Variants in ZBED1 observed in about 807,000 individuals in gnomAD.
ZBED1 encodes the protein zinc finger BED-type containing 1.
A neutral mutation model predicts 49.7 loss-of-function variants in ZBED1; 19 were observed. The ratio of observed to expected loss-of-function variants is 0.38; its 90% CI spans 0.27 to 0.56. ZBED1 has a LOEUF of 0.56. Ranked by LOEUF, ZBED1 falls within the 20% of genes least tolerant of loss-of-function variation. The probability of loss-of-function intolerance (pLI) is 0.70; values close to 1 mark genes in which losing one functional copy is unlikely to be tolerated. For missense variants in ZBED1, 806 were observed against 972.6 expected, an observed-to-expected ratio of 0.83 and a Z score of 2.28; for synonymous variants, 439 against 440.3, an observed-to-expected ratio of 1.00 and a Z score of 0.04.
Position 2,488,765 on chromosome X carries a change from C to T in ZBED1, c.1955G>A (p.Arg652Gln), listed in dbSNP as rs775074783. The T allele has an allele frequency of 9.9e-6, 16 of 1,613,844 alleles. No homozygotes were observed. In the Admixed American group the frequency reaches 1.3e-4, roughly 13 times the overall value. Residue 652 changes from arginine to glutamine, a missense_variant, in exon 2 of 2, where the codon CGG (arginine) becomes CAG (glutamine). By Grantham distance (43) the Arg-to-Gln change is conservative. Coordinates refer to ENST00000652001, the MANE Select transcript of ZBED1 (RefSeq NM_001171136.2). The part of the protein sequence containing the change: ...DEQVFLYENA[R>Q]SGAEAEPEDQ... ...CTCGGGTTCCGCCTCTGCCCCACTC[C>T]GGGCGTTCTCATACAGAAACACCTG...
chrX:2,492,879 A>T (rs952963062), intron 1 of ZBED1, among the ~76,000 whole-genome samples: 5 of 152,252 alleles, frequency 3.3e-5, no homozygotes, highest in African/African-American at 1.2e-4. Flanking sequence ...GTACTTTATT[A>T]AAGCAAGGTA....
rs376856091 is a variant in ZBED1, at chrX:2,490,003, G to A, written c.717C>T (p.Pro239=). Residue 239 remains proline (P), a synonymous_variant, in exon 2 of 2, where the codon CCC becomes CCT. Transcript: ENST00000652001. Reference sequence around the variant, plus strand: ...TGATGGTCTCCGCCGTGTTCTCTTCGGGCACCTCGAAGGTCTTCAGGCAGC... The same window carrying A: ...TGATGGTCTCCGCCGTGTTCTCTTCAGGCACCTCGAAGGTCTTCAGGCAGC... ...GSRCLKTFEV[P]EENTAETITR... 1.5e-5 allele frequency: 25 copies of A among 1,613,748 alleles called. No homozygotes were observed. The African/African-American group carries it at 1.6e-4, about 10-fold the overall frequency.
At position 2,489,502 on chromosome X, in the gene ZBED1, C is replaced by T; in HGVS notation, c.1218G>A (p.Gln406=). The change falls in exon 2 of 2, where the codon CAG becomes CAA. Residue 406 remains glutamine, a synonymous_variant. Transcript: ENST00000652001. Reference sequence around the variant, plus strand: ...TGGAGGCCGACAGCATCTCGGCCACCTGCTTGAAGGGCTGCAGGAGCTCCA... The same window carrying T: ...TGGAGGCCGACAGCATCTCGGCCACTTGCTTGAAGGGCTGCAGGAGCTCCA... ...GLVELLQPFK[Q]VAEMLSASRY... The T allele has an allele frequency of 6.2e-7, 1 of 1,613,436 alleles. No individual in the cohort carries two copies. The highest frequency in any genetic ancestry group is 8.5e-7 in the Non-Finnish European group (1 of 1,179,848).
rs139100576 is a variant in ZBED1, at chrX:2,489,107, G to A, written c.1613C>T (p.Pro538Leu). Reference protein sequence around the residue: ...PVKKLMRTSTPPPASVINNML... With the variant: ...PVKKLMRTSTLPPASVINNML... ...GTTGTTGATGACGCTGGCGGGCGGC[G>A]GCGTGGATGTCCGCATGAGCTTCTT... is the stretch of plus-strand genomic sequence containing the variant. The change falls in exon 2 of 2, where the codon CCG becomes CTG. Residue 538 changes from proline to leucine, a missense_variant. Pro to Leu is a moderately conservative substitution (Grantham distance 98). Around this residue, in one of 2 missense-constraint regions of ZBED1, gnomAD observed 749 missense variants for 861.3 expected, o/e 0.87. Coordinates refer to ENST00000652001, the MANE Select transcript of ZBED1 (RefSeq NM_001171136.2). The A allele has an allele frequency of 8.8e-5, 142 of 1,613,586 alleles. No homozygotes were observed. The highest frequency in any genetic ancestry group is 4.5e-4 in the East Asian group (20 of 44,874).
intron 1 of ZBED1, among the ~76,000 whole-genome samples, chrX:2,499,644 C>A (rs1427656981): frequency 1.3e-5 from 2 of 151,910 alleles, no homozygotes; most frequent in Admixed American, 6.6e-5. Context: ...TGGTGGCTCA[C>A]GCCTGTAAAC....
chrX:2,491,930 G>A (rs925481256), intron 1 of ZBED1, among the ~76,000 whole-genome samples: 3 of 152,184 alleles, frequency 2.0e-5, no homozygotes, highest in Non-Finnish European at 2.9e-5. Context: ...CCACTCAGGA[G>A]GCCACCTCTG....
intron 1 of ZBED1, among the ~76,000 whole-genome samples, chrX:2,493,486 T>G (rs2045209585): frequency 6.6e-6 from 1 of 151,478 alleles, no homozygotes; most frequent in Non-Finnish European, 1.5e-5. Flanking sequence ...TTATTATTAT[T>G]ATGTGGCTGA....
rs2044953196 is a variant in ZBED1, at chrX:2,486,947, G to A, written c.*1688C>T. On this transcript the variant is annotated 3_prime_UTR_variant, in exon 2 of 2. Transcript: ENST00000652001. ...CCCTCTGACACCCCGAGTTCTTGGG[G>A]TCTCGGCAGAACACTGCCTGGAGCT... 1 of 152,236 alleles carries A rather than the reference G, an allele frequency of 6.6e-6. No individual in the cohort carries two copies. The highest frequency in any genetic ancestry group is 2.1e-4 in the South Asian group (1 of 4,828). The allele number at this position is 152,236 out of a possible 1,614,324, so 9.4% of individuals were successfully genotyped here.
chrX:2,490,041 ACAGG>A lies in ZBED1; in HGVS notation c.675_678del (p.Leu226ProfsTer7). 6.2e-7 allele frequency: 1 copy of A among 1,613,774 alleles called. No individual in the cohort carries two copies. The highest frequency in any genetic ancestry group is 1.3e-5 in the African/African-American group (1 of 75,040). On this transcript the variant is annotated frameshift_variant, in exon 2 of 2. Coordinates refer to ENST00000652001, the MANE Select transcript of ZBED1 (RefSeq NM_001171136.2). LOFTEE classifies it high-confidence loss of function. ...GTCTTCAGGCAGCGGGAGCCCATGG[ACAGG>A]CAGTTGGGGGCGCCCAGGCCCAGGA... is the stretch of plus-strand genomic sequence containing the variant.
In ZBED1 at chrX:2,488,958, G is replaced by A. The variant is rs139808300; in HGVS notation, c.1762C>T (p.Leu588Phe). 45 of 1,596,636 alleles carry A rather than the reference G, an allele frequency of 2.8e-5. No homozygotes were observed. In the African/African-American group the frequency reaches 5.2e-4, roughly 18 times the overall value. The part of the protein sequence containing the change: ...QKVLGLNEDP[L>F]KWWSDRLALF... ...GCCAGGCGGTCTGACCACCACTTGAGGGGGTCTTCGTTGAGGCCAAGCACC... is the reference window on the plus strand; with the variant it reads ...GCCAGGCGGTCTGACCACCACTTGAAGGGGTCTTCGTTGAGGCCAAGCACC... Residue 588 changes from leucine (L) to phenylalanine (F), a missense_variant, in exon 2 of 2, where the codon CTC (leucine) becomes TTC (phenylalanine). Leu to Phe is a conservative substitution (Grantham distance 22). This residue lies in a region of ZBED1 where 749 missense variants were observed against 861.3 expected (regional missense o/e 0.87). Transcript: ENST00000652001.
In ZBED1 at chrX:2,488,626, G is replaced by A. The variant is rs186763014; in HGVS notation, c.*9C>T. The stretch of plus-strand genomic sequence containing the variant: ...GCGGGGATGACTTGTAAGACAACAC[G>A]CTTCCTCGCTACAGGAAGCTGCTGT... On this transcript the variant is annotated 3_prime_UTR_variant, in exon 2 of 2. Coordinates refer to ENST00000652001, the MANE Select transcript of ZBED1 (RefSeq NM_001171136.2). The A allele has an allele frequency of 1.5e-5, 23 of 1,585,316 alleles. No individual in the cohort carries two copies. The highest frequency in any genetic ancestry group is 1.6e-5 in the Non-Finnish European group (19 of 1,167,084).
chrX:2,489,063 A>G lies in ZBED1; in HGVS notation c.1657T>C (p.Cys553Arg), dbSNP rs766758532. ...VINNMLAEIF[C>R]QTGGVEDQEE... ...TGGTCCTCCACGCCGCCTGTCTGGC[A>G]GAAGATCTCGGCCAGCATGTTGTTG... Residue 553 changes from cysteine (C) to arginine (R), a missense_variant, in exon 2 of 2, where the codon TGC becomes CGC. Around this residue, in one of 2 missense-constraint regions of ZBED1, gnomAD observed 749 missense variants for 861.3 expected, o/e 0.87. Transcript: ENST00000652001. 6.2e-7 allele frequency: 1 copy of G among 1,613,898 alleles called. No homozygotes were observed. The highest frequency in any genetic ancestry group is 8.5e-7 in the Non-Finnish European group (1 of 1,179,846).
intron 1 of ZBED1, among the ~76,000 whole-genome samples, chrX:2,494,680 A>G (rs1398177663): frequency 6.6e-6 from 1 of 151,934 alleles, no homozygotes; most frequent in African/African-American, 2.4e-5. Context: ...CCTGGACCAA[A>G]GGTCTGTTTT....
At chrX:2,496,855 TAGA>T (rs1398183005) in intron 1 of ZBED1, among the ~76,000 whole-genome samples, 1 of 148,914 alleles carries the variant, frequency 6.7e-6, no homozygotes, top group Non-Finnish European at 1.5e-5. Context: ...TTTATATTTA[TAGA>T]AAAGTATAAA....
intron 1 of ZBED1, chrX:2,500,486 CG>C (rs758853914): frequency 3.9e-5 from 6 of 155,436 alleles, no homozygotes; most frequent in Non-Finnish European, 8.5e-5. Flanking sequence ...TCAGGGTGCG[CG>C]GGGGGGCGGC....
Position 2,488,532 on chromosome X carries a change from G to T in ZBED1, c.*103C>A. ...CACCTTCTAGGTGTCAAAGACAGTG[G>T]ATGGTCTCTGAGGTTCAAAACCAAG... On this transcript the variant is annotated 3_prime_UTR_variant, in exon 2 of 2. Coordinates refer to ENST00000652001, the MANE Select transcript of ZBED1 (RefSeq NM_001171136.2). 1 of 1,382,640 alleles carries T rather than the reference G, an allele frequency of 7.2e-7. No individual in the cohort carries two copies. The highest frequency in any genetic ancestry group is 9.7e-7 in the Non-Finnish European group (1 of 1,030,588). 85.6% of individuals were successfully genotyped at this position (1,382,640 alleles called of 1,614,324 possible).
rs1408208699 is a variant in ZBED1 at position 2,487,835 on chromosome X, T to C, written c.*800A>G. ...AGGTCTCTCTTTTTAAGAAGGGCAT[T>C]TTGGCTAAAAGGTCTCTTCCCCATT... On this transcript the variant is annotated 3_prime_UTR_variant, in exon 2 of 2. Transcript: ENST00000652001. 6.6e-6 allele frequency: 1 copy of C among 151,978 alleles called. No homozygotes were observed. The highest frequency in any genetic ancestry group is 2.1e-4 in the South Asian group (1 of 4,806). The allele number at this position is 151,978 out of a possible 1,614,324, so 9.4% of individuals were successfully genotyped here.
chrX:2,500,819 G>T lies in ZBED1; in HGVS notation c.-56C>A. On this transcript the variant is annotated splice_region_variant and 5_prime_UTR_variant, in exon 1 of 2. Coordinates refer to ENST00000652001, the MANE Select transcript of ZBED1 (RefSeq NM_001171136.2). Reference sequence around the variant, plus strand: ...GACCCCTGCCCCGCCCCGCTGACCTGGCTCCAGGAAGCCCCCGCGGCAGCG... The same window carrying T: ...GACCCCTGCCCCGCCCCGCTGACCTTGCTCCAGGAAGCCCCCGCGGCAGCG... 3.6e-6 allele frequency: 4 copies of T among 1,125,102 alleles called. No homozygotes were observed. Among genetic ancestry groups the T allele is most frequent in the Non-Finnish European group, 3.3e-6 (3 of 920,220 alleles). The allele number at this position is 1,125,102 out of a possible 1,614,324, so 69.7% of individuals were successfully genotyped here. A position where few individuals can be genotyped will look rare whatever the true frequency, so the allele number is the denominator to read the frequency against.
chrX:2,494,815 T>C (rs1458331670), intron 1 of ZBED1, among the ~76,000 whole-genome samples: 1 of 151,936 alleles, frequency 6.6e-6, no homozygotes, highest in East Asian at 1.9e-4. Context: ...GAAAAGTTTA[T>C]ATTCTATTAT....
Sources: gnomAD v4.1 joint callset for allele counts (sites outside exome capture counted in the v4.1 genomes callset) on GRCh38, gnomAD v4.1.1 for gene constraint, gnomAD v4.1.1 regional missense constraint, MANE v1.5 for transcripts, NCBI Gene and HGNC (gene_info 2026-07-23, HGNC 2026-07-21) for gene names.